Variants in FTO observed in about 807,000 individuals in gnomAD.
FTO encodes alpha-ketoglutarate-dependent dioxygenase FTO.
Under a neutral mutation model 63.9 loss-of-function variants are expected in FTO, and 47 were observed. The observed-to-expected ratio is 0.74, with a 90% CI of 0.58 to 0.94. The LOEUF (loss-of-function observed/expected upper bound fraction) is 0.94. FTO is among the 40% of genes least tolerant of loss of function. FTO has a pLI of 0.00. For missense variants in FTO, 562 were observed against 618.1 expected (o/e 0.91, Z 0.96); for synonymous variants, 207 against 224.4 (o/e 0.92, Z 0.69).
chr16:54,080,957 A>T (rs1332148911), intron 8 of FTO, among the ~76,000 whole-genome samples: 6 of 152,204 alleles, frequency 3.9e-5, no homozygotes, highest in African/African-American at 1.4e-4. Flanking sequence ...TTAAGGCAGG[A>T]TGTAGTGTGA....
intron 8 of FTO, among the ~76,000 whole-genome samples, chr16:54,014,869 T>C (rs2084401272): frequency 7.3e-6 from 1 of 137,298 alleles, no homozygotes; most frequent in African/African-American, 2.9e-5. Context: ...TTTTTTTTTT[T>C]TTTTGAGATG....
At chr16:53,766,729 T>C (rs1353672983) in intron 1 of FTO, among the ~76,000 whole-genome samples, 1 of 152,162 alleles carries the variant, frequency 6.6e-6, no homozygotes, top group Admixed American at 6.5e-5. Flanking sequence ...ATATAGGTGA[T>C]GGGTTAAAGC....
chr16:53,815,027 C>T (rs927640326), intron 2 of FTO, among the ~76,000 whole-genome samples: 4 of 151,730 alleles, frequency 2.6e-5, no homozygotes, highest in South Asian at 2.1e-4. Context: ...GAAAAGCACC[C>T]GAGGCCAACA....
intron 8 of FTO, among the ~76,000 whole-genome samples, chr16:54,108,353 C>A (rs1468456075): frequency 6.6e-6 from 1 of 152,178 alleles, no homozygotes; most frequent in Non-Finnish European, 1.5e-5. Flanking sequence ...AACTGCTGAT[C>A]CCTTCTGAAT....
chr16:53,810,247 C>T, intron 2 of FTO, 30 bp downstream of exon 2: 1 of 1,436,784 alleles, frequency 7.0e-7, no homozygotes, highest in Non-Finnish European at 9.8e-7. Context: ...TTATCAGTTT[C>T]AGTGATGTGT....
At chr16:53,972,010 G>C (rs142215011) in intron 8 of FTO, among the ~76,000 whole-genome samples, 3 of 151,964 alleles carry the variant, frequency 2.0e-5, no homozygotes, top group African/African-American at 7.3e-5. Context: ...ATGTTTTAAC[G>C]ACAAATGATG....
intron 2 of FTO, among the ~76,000 whole-genome samples, chr16:53,811,891 C>T (rs1431963334): frequency 6.6e-6 from 1 of 152,146 alleles, no homozygotes; most frequent in Non-Finnish European, 1.5e-5. Flanking sequence ...GGATTCACTG[C>T]AACCTCTGCC....
At chr16:54,099,568 T>C (rs1399814635) in intron 8 of FTO, among the ~76,000 whole-genome samples, 1 of 152,182 alleles carries the variant, frequency 6.6e-6, no homozygotes, top group Non-Finnish European at 1.5e-5. Context: ...GACCCTATCA[T>C]GTGACCAGAG....
At chr16:54,062,985 C>T (rs945066583) in intron 8 of FTO, among the ~76,000 whole-genome samples, 14 of 152,126 alleles carry the variant, frequency 9.2e-5, no homozygotes, top group Non-Finnish European at 1.8e-4. Context: ...ACACATGCGC[C>T]CCCGAGGGGT....
rs543298381 is a variant in FTO at position 54,074,092 on chromosome 16, GT to G, written c.1365-37662del. Reference sequence around the variant, plus strand: ...CCTGCTAGTTCTACCCTCGAAAACTGTTTTTTTTAATGCTTATTTCAATACT... The same window carrying G: ...CCTGCTAGTTCTACCCTCGAAAACTGTTTTTTTAATGCTTATTTCAATACT... On this transcript the variant is annotated intron_variant, in intron 8 of 8. Transcript: ENST00000471389. 6.0e-5 allele frequency among the ~76,000 whole-genome samples: 9 copies of G among 150,530 alleles called. No homozygotes were observed. The South Asian group carries it at 6.3e-4, about 11-fold the overall frequency.
At chr16:53,801,521 C>T (rs2078223767) in intron 1 of FTO, among the ~76,000 whole-genome samples, 2 of 152,074 alleles carry the variant, frequency 1.3e-5, no homozygotes, top group South Asian at 4.1e-4. Context: ...ATTTCTGATA[C>T]TCTTCATTCT....
intron 8 of FTO, among the ~76,000 whole-genome samples, chr16:54,022,895 T>A (rs1334445302): frequency 6.6e-6 from 1 of 152,216 alleles, no homozygotes; most frequent in African/African-American, 2.4e-5. Context: ...CTTAATTCAC[T>A]TGGTAACTTT....
intron 1 of FTO, among the ~76,000 whole-genome samples, chr16:53,720,987 A>G (rs540155037): frequency 1.3e-3 from 202 of 152,000 alleles, no homozygotes; most frequent in Non-Finnish European, 2.2e-3. Flanking sequence ...ACTGGGTCTC[A>G]CTATGTTGCT....
chr16:53,717,783 T>C (rs1186597166), intron 1 of FTO, among the ~76,000 whole-genome samples: 2 of 152,108 alleles, frequency 1.3e-5, no homozygotes, highest in Non-Finnish European at 2.9e-5. Context: ...CAATCAGATA[T>C]CGCTGCCTGC....
At position 53,716,801 on chromosome 16, in the gene FTO, A is replaced by G. The variant is rs893228281; in HGVS notation, c.45+12572A>G. Among the ~76,000 whole-genome samples the G allele has an allele frequency of 1.1e-4, 16 of 151,526 alleles. No homozygotes were observed. The East Asian group carries it at 2.1e-3, about 20-fold the overall frequency. ...GAAAAACTAACAAATATGGAAAAAT[A>G]TGAGGCAGAAAAAAGTCTCATACTC... On this transcript the variant is annotated intron_variant, in intron 1 of 8. Coordinates refer to ENST00000471389, the MANE Select transcript of FTO (RefSeq NM_001080432.3).
At chr16:53,756,535 GT>G (rs2076928770) in intron 1 of FTO, among the ~76,000 whole-genome samples, 1 of 152,122 alleles carries the variant, frequency 6.6e-6, no homozygotes, top group African/African-American at 2.4e-5. Context: ...AACATTATGT[GT>G]ATTAGATAAC....
rs373102373 is a variant in FTO at position 54,111,871 on chromosome 16, A to G, written c.1474A>G (p.Ile492Val). The G allele has an allele frequency of 6.0e-5, 97 of 1,614,030 alleles. No homozygotes were observed. Among genetic ancestry groups the G allele is most frequent in the Admixed American group, 2.5e-4 (15 of 59,998 alleles). Residue 492 changes from isoleucine (I) to valine (V), a missense_variant, in exon 9 of 9, where the codon ATC becomes GTC. Physicochemically the swap from Ile to Val is conservative, Grantham distance 29 (BLOSUM62 3). Coordinates refer to ENST00000471389, the MANE Select transcript of FTO (RefSeq NM_001080432.3). ...GCCTCTGCCGTTTGACCTCACAGAC[A>G]TCGTTTCAGAACTCAGAGGTCAGCT... The part of the protein sequence containing the change: ...SMPLPFDLTD[I>V]VSELRGQLLE...
At chr16:53,960,063 C>G (rs2083034572) in intron 8 of FTO, among the ~76,000 whole-genome samples, 1 of 152,136 alleles carries the variant, frequency 6.6e-6, no homozygotes, top group African/African-American at 2.4e-5. Flanking sequence ...ATTTTTGAAC[C>G]TGTCAGGGAC....
At chr16:53,938,647 T>C (rs1163509352) in intron 8 of FTO, among the ~76,000 whole-genome samples, 2 of 152,210 alleles carry the variant, frequency 1.3e-5, no homozygotes, top group African/African-American at 4.8e-5. Context: ...GGGATGAGAA[T>C]GTAGAAAGTT....
Sources: allele counts gnomAD v4.1 joint callset (sites outside exome capture counted in the v4.1 genomes callset), GRCh38; gene constraint gnomAD v4.1.1; transcripts MANE v1.5; gene names NCBI Gene and HGNC (gene_info 2026-07-23, HGNC 2026-07-21).